The following SPTLC3 variants were observed in gnomAD, a reference collection of about 807,000 sequenced individuals.
SPTLC3 encodes serine palmitoyltransferase 3.
Under a neutral mutation model 59.3 loss-of-function variants are expected in SPTLC3, and 36 were observed. The ratio of observed to expected loss-of-function variants is 0.61; its 90% CI spans 0.47 to 0.80. The LOEUF is 0.80. Ranked by LOEUF, SPTLC3 falls within the 30% of genes least tolerant of loss-of-function variation. SPTLC3 has a pLI of 0.00. For missense variants in SPTLC3, 625 were observed against 685.1 expected (o/e 0.91, Z 0.98); for synonymous variants, 257 against 240.8 (o/e 1.07, Z -0.62).
At chr20:13,110,338 G>A in intron 7 of SPTLC3, 121 bp downstream of exon 7, 1 of 801,372 alleles carries the variant, frequency 1.2e-6, no homozygotes, top group Middle Eastern at 2.6e-4. Flanking sequence ...TATGACACAG[G>A]GACCTGAGAC....
intron 2 of SPTLC3, among the ~76,000 whole-genome samples, chr20:13,062,745 T>C (rs1321895421): frequency 6.6e-6 from 1 of 152,204 alleles, no homozygotes; most frequent in Non-Finnish European, 1.5e-5. Context: ...GTGACTTGTT[T>C]TTTTCCCCTA....
At chr20:13,080,511 C>CAAA (rs3039608) in intron 4 of SPTLC3, among the ~76,000 whole-genome samples, 2 of 122,874 alleles carry the variant, frequency 1.6e-5, no homozygotes, top group African/African-American at 6.5e-5. Context: ...CATCCATCTC[C>CAAA]AAAAAAAAAA....
chr20:13,099,540 T>C (rs73257296), intron 6 of SPTLC3, among the ~76,000 whole-genome samples: 8,368 of 152,288 alleles, frequency 0.055, 316 homozygotes, highest in African/African-American at 0.092. Flanking sequence ...ACATGTTTAA[T>C]ACAACTTTGA....
chr20:13,091,968 A>G (rs1989237243), intron 5 of SPTLC3, among the ~76,000 whole-genome samples: 1 of 152,206 alleles, frequency 6.6e-6, no homozygotes, highest in Non-Finnish European at 1.5e-5. Flanking sequence ...TTTTAAATTT[A>G]TGTAGTTTAG....
chr20:13,064,374 G>A (rs1013137908), intron 2 of SPTLC3, among the ~76,000 whole-genome samples: 7 of 149,754 alleles, frequency 4.7e-5, no homozygotes, highest in South Asian at 4.2e-4. Context: ...ACAGTTGCAC[G>A]ATCTTGTCTC....
chr20:13,132,880 T>C (rs80113925), intron 9 of SPTLC3: 2,741 of 152,498 alleles, frequency 0.018, 54 homozygotes, highest in South Asian at 0.03. Flanking sequence ...AGTGAGCTAT[T>C]CCGCTGGCTT....
intron 2 of SPTLC3, among the ~76,000 whole-genome samples, chr20:13,071,309 A>G (rs1988426010): frequency 6.6e-6 from 1 of 152,220 alleles, no homozygotes; most frequent in Non-Finnish European, 1.5e-5. Flanking sequence ...CACTTACATA[A>G]TATAGTAACT....
chr20:13,166,281 G>T lies in SPTLC3; in HGVS notation c.*1414G>T, dbSNP rs558644399. ...GTGCACTGAGATAGAAACTCCACCCGCAGCGCCTGCGATGGATGGAGCAGT... is the reference window on the plus strand; with the variant it reads ...GTGCACTGAGATAGAAACTCCACCCTCAGCGCCTGCGATGGATGGAGCAGT... On this transcript the variant is annotated 3_prime_UTR_variant, in exon 12 of 12. Coordinates refer to ENST00000399002, the MANE Select transcript of SPTLC3 (RefSeq NM_018327.4). The T allele has an allele frequency of 6.6e-6, 1 of 152,602 alleles. No individual in the cohort carries two copies. Among genetic ancestry groups the T allele is most frequent in the Non-Finnish European group, 1.5e-5 (1 of 68,038 alleles). 9.5% of individuals were successfully genotyped at this position (152,602 alleles called of 1,614,324 possible). A position where few individuals can be genotyped will look rare whatever the true frequency, so the allele number is the denominator to read the frequency against.
At position 13,063,269 on chromosome 20, in the gene SPTLC3, A is replaced by C. The variant is rs145843323; in HGVS notation, c.304-8987A>C. Among the ~76,000 whole-genome samples, 1,028 of 152,294 alleles carry C rather than the reference A, an allele frequency of 6.8e-3. 13 individuals are homozygous for C. The highest frequency in any genetic ancestry group is 0.023 in the African/African-American group (969 of 41,554). The stretch of plus-strand genomic sequence containing the variant: ...TATCCTTTGCTCATAATTTTATTAA[A>C]CTTTTTGAAAATTGATTTAGAGGAA... On this transcript the variant is annotated intron_variant, in intron 2 of 11. Transcript: ENST00000399002.
chr20:13,080,695 T>C (rs1383764296), intron 4 of SPTLC3, among the ~76,000 whole-genome samples: 3 of 152,156 alleles, frequency 2.0e-5, no homozygotes, highest in African/African-American at 7.2e-5. Flanking sequence ...CACTCTCATA[T>C]ACCATTGACA....
At chr20:13,142,027 G>A (rs1379860302) in intron 9 of SPTLC3, among the ~76,000 whole-genome samples, 1 of 152,136 alleles carries the variant, frequency 6.6e-6, no homozygotes, top group African/African-American at 2.4e-5. Flanking sequence ...TAGTTAAGAG[G>A]GAAAGTTTGC....
At chr20:13,127,590 A>G (rs1362999013) in intron 9 of SPTLC3, among the ~76,000 whole-genome samples, 1 of 152,192 alleles carries the variant, frequency 6.6e-6, no homozygotes, top group East Asian at 1.9e-4. Flanking sequence ...TCACATACAA[A>G]TTTTGCTAGA....
At chr20:13,120,280 C>T (rs764095588) in intron 8 of SPTLC3, among the ~76,000 whole-genome samples, 2 of 152,074 alleles carry the variant, frequency 1.3e-5, no homozygotes, top group African/African-American at 2.4e-5. Context: ...AGATACTTCC[C>T]GTATATCTCA....
chr20:13,093,750 G>A (rs192085569), intron 6 of SPTLC3, among the ~76,000 whole-genome samples, 173 bp downstream of exon 6: 270 of 152,270 alleles, frequency 1.8e-3, no homozygotes, highest in Non-Finnish European at 3.3e-3. Flanking sequence ...ACAAATGGTT[G>A]AAATGCATTA....
intron 8 of SPTLC3, among the ~76,000 whole-genome samples, chr20:13,122,726 T>A (rs921128581): frequency 1.3e-4 from 20 of 152,212 alleles, no homozygotes; most frequent in African/African-American, 4.1e-4. Flanking sequence ...GCTGTTAGCT[T>A]CTAGCCTTAT....
At chr20:13,160,222 G>C in intron 11 of SPTLC3, 90 bp downstream of exon 11, 9 of 1,442,540 alleles carry the variant, frequency 6.2e-6, no homozygotes. Context: ...GGTTCTCTGG[G>C]TTTCTCTTGG....
intron 6 of SPTLC3, among the ~76,000 whole-genome samples, chr20:13,097,835 A>G (rs146862094): frequency 0.017 from 2,539 of 152,312 alleles, 34 homozygotes; most frequent in South Asian, 0.052. Context: ...AAGGATAAGA[A>G]AGAACAGTAT....
chr20:13,125,339 A>C (rs1185968765), intron 8 of SPTLC3, among the ~76,000 whole-genome samples: 18 of 152,184 alleles, frequency 1.2e-4, no homozygotes. Flanking sequence ...CAAAACACAA[A>C]ATTCCAATAG....
intron 1 of SPTLC3, among the ~76,000 whole-genome samples, chr20:13,020,347 T>TA (rs112088036): frequency 0.33 from 31,618 of 94,948 alleles, 5,044 homozygotes; most frequent in African/African-American, 0.51. Context: ...CCCCATTTCT[T>TA]AAAAAAAAAA....
Sources: allele counts gnomAD v4.1 joint callset (sites outside exome capture counted in the v4.1 genomes callset), GRCh38; gene constraint gnomAD v4.1.1; transcripts MANE v1.5; gene names NCBI Gene and HGNC (gene_info 2026-07-23, HGNC 2026-07-21).